ALPK2: variants seen among roughly 807,000 people sequenced by gnomAD.
ALPK2 encodes the protein alpha kinase 2.
In ALPK2, 127 loss-of-function variants were observed where a neutral mutation model predicts 163.1. That is an observed-to-expected ratio of 0.78 (90% confidence interval 0.67 to 0.90). The LOEUF (loss-of-function observed/expected upper bound fraction) is 0.90, where lower values mean the gene tolerates loss of function less well. Ranked by LOEUF, ALPK2 falls within the 40% of genes least tolerant of loss-of-function variation. The pLI is 0.00. For missense variants in ALPK2, 2,360 were observed against 2,589.6 expected, an observed-to-expected ratio of 0.91 and a Z score of 1.92; for synonymous variants, 953 against 959.1, an observed-to-expected ratio of 0.99 and a Z score of 0.12.
At chr18:58,501,535 T>C (rs777947903) in intron 11 of ALPK2, among the ~76,000 whole-genome samples, 30 of 152,218 alleles carry the variant, frequency 2.0e-4, no homozygotes, top group Admixed American at 3.3e-4. Context: ...GGAAGAACCG[T>C]ACACATACCA....
chr18:58,504,081 G>A lies in ALPK2; in HGVS notation c.6097C>T (p.Leu2033=). The part of the protein sequence containing the change: ...NIPYATVEEE[L]IGEFVKYSIR... ...GAATACTTCACAAATTCTCCAATCA[G>A]CTCCTCCTCCACTGTAGCATACGGG... The change falls in exon 11 of 13, where the codon CTG becomes TTG. Residue 2033 remains leucine (L), a synonymous_variant. Coordinates refer to ENST00000361673, the MANE Select transcript of ALPK2 (RefSeq NM_052947.4). 1 of 1,614,104 alleles carries A rather than the reference G, an allele frequency of 6.2e-7. No homozygotes were observed. Among genetic ancestry groups the A allele is most frequent in the Non-Finnish European group, 8.5e-7 (1 of 1,179,992 alleles).
rs776249868 is a variant in ALPK2, at chr18:58,535,474, G to A, written c.4713C>T (p.Asp1571=). 8.1e-6 allele frequency: 13 copies of A among 1,614,092 alleles called. No individual in the cohort carries two copies. In the African/African-American group the frequency reaches 1.7e-4, roughly 22 times the overall value. Residue 1571 remains aspartate, a synonymous_variant, in exon 5 of 13, where the codon GAC becomes GAT. Transcript: ENST00000361673. Reference sequence around the variant, plus strand: ...ACTGACGCTTTCTGGGCTCAACTATGTCATTTTCAGGGACGTCATGAATTT... The same window carrying A: ...ACTGACGCTTTCTGGGCTCAACTATATCATTTTCAGGGACGTCATGAATTT... The part of the protein sequence containing the change: ...TGQIHDVPEN[D]IVEPRKRQYV...
intron 3 of ALPK2, among the ~76,000 whole-genome samples, chr18:58,582,398 TA>T (rs1479064694): frequency 2.6e-5 from 4 of 152,136 alleles, no homozygotes; most frequent in Non-Finnish European, 5.9e-5. Flanking sequence ...AATCTGCTTT[TA>T]AAGATCTCAA....
chr18:58,614,679 C>T (rs2052155243), intron 1 of ALPK2, among the ~76,000 whole-genome samples: 1 of 151,304 alleles, frequency 6.6e-6, no homozygotes, highest in African/African-American at 2.4e-5. Flanking sequence ...CCACCTCAGC[C>T]TCCTGAGTAG....
intron 4 of ALPK2, among the ~76,000 whole-genome samples, chr18:58,558,855 C>T (rs1037464488): frequency 4.6e-5 from 7 of 152,144 alleles, no homozygotes; most frequent in Admixed American, 6.5e-5. Context: ...TACGTTTATA[C>T]AAAATGTCCA....
intron 8 of ALPK2, 128 bp downstream of exon 8, chr18:58,523,678 C>A: frequency 8.6e-7 from 1 of 1,156,902 alleles, no homozygotes; most frequent in South Asian, 1.3e-5. Flanking sequence ...TTTCTTAAGT[C>A]ACGCCATAGC....
In ALPK2 at chr18:58,535,826, ACTTG is replaced by A; in HGVS notation, c.4357_4360del (p.Gln1453PhefsTer9). 6.2e-7 allele frequency: 1 copy of A among 1,614,192 alleles called. No individual in the cohort carries two copies. The highest frequency in any genetic ancestry group is 8.5e-7 in the Non-Finnish European group (1 of 1,180,026). ...CAGAATGGTTCCCTGGAGACATGGA[ACTTG>A]CAAAATGGCCGGCTGGATTTCCGCT... On this transcript the variant is annotated frameshift_variant, in exon 5 of 13. Coordinates refer to ENST00000361673, the MANE Select transcript of ALPK2 (RefSeq NM_052947.4).
At chr18:58,549,182 T>G (rs775800932) in intron 4 of ALPK2, among the ~76,000 whole-genome samples, 32 of 152,184 alleles carry the variant, frequency 2.1e-4, no homozygotes, top group Admixed American at 5.9e-4. Context: ...ATGTACCACT[T>G]AGAAGACATC....
At position 58,580,396 on chromosome 18, in the gene ALPK2, T is replaced by C. The variant is rs1345110955; in HGVS notation, c.380A>G (p.His127Arg). ...TTCTTCTTCATGTGTCCCTGTTTCA[T>C]GTTTCCAACCCCTGTCCCTGTCATC... ...LEDDRDRGWKHETGTHEEERA... is the reference protein window; with the variant it reads ...LEDDRDRGWKRETGTHEEERA... Residue 127 changes from histidine to arginine, a missense_variant, in exon 4 of 13, where the codon CAT (histidine) becomes CGT (arginine). By Grantham distance (29) the His-to-Arg change is conservative (BLOSUM62 0). Transcript: ENST00000361673. The C allele has an allele frequency of 6.2e-7, 1 of 1,614,206 alleles. No homozygotes were observed.
intron 11 of ALPK2, among the ~76,000 whole-genome samples, chr18:58,502,967 G>A (rs757415417): frequency 1.3e-4 from 20 of 152,178 alleles, no homozygotes; most frequent in Non-Finnish European, 2.1e-4. Flanking sequence ...CAGCTCCAGC[G>A]CCCACGGCAG....
intron 4 of ALPK2, among the ~76,000 whole-genome samples, chr18:58,564,496 TTTTA>T (rs2051841446): frequency 6.6e-6 from 1 of 152,086 alleles, no homozygotes; most frequent in African/African-American, 2.4e-5. Context: ...TTTTCTAAGT[TTTTA>T]TTTGTTTTTA....
intron 3 of ALPK2, among the ~76,000 whole-genome samples, chr18:58,587,192 C>A (rs911297220): frequency 1.6e-4 from 25 of 152,126 alleles, no homozygotes; most frequent in African/African-American, 5.8e-4. Flanking sequence ...CAGTCATTAG[C>A]TGACCACTAA....
At chr18:58,627,366 A>G (rs975137282) in intron 1 of ALPK2, among the ~76,000 whole-genome samples, 4 of 152,242 alleles carry the variant, frequency 2.6e-5, no homozygotes, top group African/African-American at 9.6e-5. Context: ...CACGCCTGTA[A>G]TCCCAAGACT....
intron 1 of ALPK2, among the ~76,000 whole-genome samples, chr18:58,624,050 A>C (rs1349313532): frequency 1.3e-5 from 2 of 152,186 alleles, no homozygotes; most frequent in Non-Finnish European, 2.9e-5. Context: ...ATCACTCAGC[A>C]GCCTGGGGAC....
intron 1 of ALPK2, among the ~76,000 whole-genome samples, chr18:58,619,639 A>G (rs1402328327): frequency 3.3e-5 from 5 of 152,254 alleles, no homozygotes. Context: ...TTATTTTCAC[A>G]TTGAAAATCA....
intron 3 of ALPK2, among the ~76,000 whole-genome samples, chr18:58,599,915 G>A (rs753482314): frequency 2.0e-5 from 3 of 151,918 alleles, no homozygotes; most frequent in Admixed American, 6.6e-5. Flanking sequence ...ATCTTTGGAC[G>A]CTGGCTGTCA....
rs1396037231 is a variant in ALPK2, at chr18:58,579,453, A to C, written c.1323T>G (p.Ser441=). The change falls in exon 4 of 13, where the codon TCT becomes TCG. Residue 441 remains serine, a synonymous_variant. Coordinates refer to ENST00000361673, the MANE Select transcript of ALPK2 (RefSeq NM_052947.4). ...LILGPHQDGT[S]SVTEQGRYKL... Reference sequence around the variant, plus strand: ...TATATCTCCCCTGTTCTGTCACTGAAGACGTTCCATCCTGGTGAGGTCCCA... The same window carrying C: ...TATATCTCCCCTGTTCTGTCACTGACGACGTTCCATCCTGGTGAGGTCCCA... The C allele has an allele frequency of 1.9e-6, 3 of 1,614,000 alleles. No homozygotes were observed. The highest frequency in any genetic ancestry group is 1.7e-5 in the Admixed American group (1 of 59,994).
At chr18:58,526,829 G>A (rs1674600345) in intron 6 of ALPK2, among the ~76,000 whole-genome samples, 1 of 152,212 alleles carries the variant, frequency 6.6e-6, no homozygotes, top group South Asian at 2.1e-4. Flanking sequence ...GACAAAGGAA[G>A]AGGATCACAG....
rs749236358 is a variant in ALPK2 at position 58,537,436 on chromosome 18, G to A, written c.2751C>T (p.Ser917=). Residue 917 remains serine, a synonymous_variant, in exon 5 of 13, where the codon TCC becomes TCT. Coordinates refer to ENST00000361673, the MANE Select transcript of ALPK2 (RefSeq NM_052947.4). ...TGENLAKVEN[S]TYPLASTVHA... ...GTACTGTGGAGGCCAGTGGGTAGGT[G>A]GAATTCTCCACCTTGGCTAGATTTT... 1.9e-6 allele frequency: 3 copies of A among 1,613,088 alleles called. No individual in the cohort carries two copies. Among genetic ancestry groups the A allele is most frequent in the African/African-American group, 2.7e-5 (2 of 74,892 alleles).
Sources: gnomAD v4.1 joint callset for allele counts (sites outside exome capture counted in the v4.1 genomes callset) on GRCh38, gnomAD v4.1.1 for gene constraint, MANE v1.5 for transcripts, NCBI Gene and HGNC (gene_info 2026-07-23, HGNC 2026-07-21) for gene names.